RAD51B: variants seen among roughly 807,000 people sequenced by gnomAD.
RAD51B encodes RAD51 paralog B.
In RAD51B, 38 loss-of-function variants were observed where a neutral mutation model predicts 42.2. The ratio of observed to expected loss-of-function variants is 0.90; its 90% CI spans 0.70 to 1.18. The LOEUF (loss-of-function observed/expected upper bound fraction) is 1.18. Ranked by LOEUF, RAD51B falls within the 50% of genes most tolerant of loss-of-function variation. RAD51B has a pLI of 0.00. For synonymous variants in RAD51B, 154 were observed against 145.2 expected, an observed-to-expected ratio of 1.06 and a Z score of -0.43; for missense variants, 373 against 400.7, an observed-to-expected ratio of 0.93 and a Z score of 0.59.
intron 11 of RAD51B, among the ~76,000 whole-genome samples, chr14:68,656,270 C>T (rs895002585): frequency 6.6e-6 from 1 of 152,210 alleles, no homozygotes; most frequent in African/African-American, 2.4e-5. Flanking sequence ...GGGCAGGGTT[C>T]TCTTGAGCCT....
intron 8 of RAD51B, among the ~76,000 whole-genome samples, chr14:68,336,312 T>C (rs377403519): frequency 6.6e-6 from 1 of 152,250 alleles, no homozygotes; most frequent in African/African-American, 2.4e-5. Context: ...TGAGTCTTGG[T>C]TTTACAATAA....
intron 9 of RAD51B, among the ~76,000 whole-genome samples, chr14:68,437,938 G>A (rs1249877066): frequency 6.6e-6 from 1 of 152,150 alleles, no homozygotes; most frequent in Non-Finnish European, 1.5e-5. Flanking sequence ...TGAGGAAGAT[G>A]TTTGAACAAA....
chr14:68,182,932 C>G (rs963984217), intron 7 of RAD51B, among the ~76,000 whole-genome samples: 2 of 152,150 alleles, frequency 1.3e-5, no homozygotes, highest in Non-Finnish European at 2.9e-5. Flanking sequence ...ATTACTGGAC[C>G]TGTATTCCTT....
At chr14:67,986,582 A>G (rs767969909) in intron 7 of RAD51B, among the ~76,000 whole-genome samples, 18 of 152,218 alleles carry the variant, frequency 1.2e-4, no homozygotes, top group Non-Finnish European at 1.9e-4. Context: ...ATGGGTAGTT[A>G]GCACGAAAGA....
chr14:68,018,559 G>A (rs1215771755), intron 7 of RAD51B, among the ~76,000 whole-genome samples: 1 of 152,156 alleles, frequency 6.6e-6, no homozygotes, highest in African/African-American at 2.4e-5. Context: ...TTATGGGGGA[G>A]AAATTGAAGC....
chr14:68,341,444 A>G (rs901885867), intron 8 of RAD51B, among the ~76,000 whole-genome samples: 5 of 152,246 alleles, frequency 3.3e-5, no homozygotes, highest in Non-Finnish European at 7.3e-5. Flanking sequence ...GAAGCAATTT[A>G]TAAGTAATGT....
At chr14:68,567,432 C>T (rs760374828) in intron 10 of RAD51B, among the ~76,000 whole-genome samples, 1 of 152,198 alleles carries the variant, frequency 6.6e-6, no homozygotes, top group Non-Finnish European at 1.5e-5. Context: ...CTCTCAACAT[C>T]CCACACCAGA....
intron 10 of RAD51B, among the ~76,000 whole-genome samples, chr14:68,489,566 C>T (rs1883908581): frequency 6.6e-6 from 1 of 152,158 alleles, no homozygotes; most frequent in African/African-American, 2.4e-5. Flanking sequence ...CTTTTTTACC[C>T]CCTAAAGGCT....
At chr14:68,616,741 T>C (rs1891834733) in intron 10 of RAD51B, among the ~76,000 whole-genome samples, 1 of 152,200 alleles carries the variant, frequency 6.6e-6, no homozygotes, top group Non-Finnish European at 1.5e-5. Flanking sequence ...GCTCAAGGAT[T>C]GATGGGACTT....
chr14:68,290,241 C>G (rs1163597634), intron 7 of RAD51B, among the ~76,000 whole-genome samples: 1 of 152,210 alleles, frequency 6.6e-6, no homozygotes, highest in Non-Finnish European at 1.5e-5. Flanking sequence ...ATATTCCAAG[C>G]ACTGAATTGT....
downstream of RAD51B, among the ~76,000 whole-genome samples, chr14:68,598,112 C>T (rs1395164934): frequency 2.6e-5 from 4 of 152,142 alleles, no homozygotes; most frequent in Non-Finnish European, 5.9e-5. Flanking sequence ...GAGAAAGCTA[C>T]TTCTACATAA....
chr14:68,579,846 C>T (rs138049517), intron 10 of RAD51B, among the ~76,000 whole-genome samples: 58 of 152,322 alleles, frequency 3.8e-4, no homozygotes, highest in Non-Finnish European at 7.6e-4. Flanking sequence ...ATGGGGTTCA[C>T]GGGCATTGTG....
chr14:67,958,461 C>G (rs1382805784), intron 7 of RAD51B, among the ~76,000 whole-genome samples: 1 of 152,130 alleles, frequency 6.6e-6, no homozygotes, highest in African/African-American at 2.4e-5. Context: ...TACAGAGAAG[C>G]CACCCACATT....
At chr14:68,016,043 C>T (rs1379118737) in intron 7 of RAD51B, among the ~76,000 whole-genome samples, 2 of 152,148 alleles carry the variant, frequency 1.3e-5, no homozygotes, top group African/African-American at 4.8e-5. Context: ...TTGTTCCTAT[C>T]TTGTCCATTT....
chr14:68,606,298 G>A (rs1200589146), intron 10 of RAD51B, among the ~76,000 whole-genome samples: 1 of 152,136 alleles, frequency 6.6e-6, no homozygotes, highest in Non-Finnish European at 1.5e-5. Flanking sequence ...TTCTTAGGGT[G>A]GGTTCCCTGG....
At chr14:67,869,528 G>T (rs2042448972) in intron 5 of RAD51B, among the ~76,000 whole-genome samples, 1 of 152,170 alleles carries the variant, frequency 6.6e-6, no homozygotes, top group South Asian at 2.1e-4. Context: ...TATTATCCAG[G>T]AGAACTTCCC....
intron 8 of RAD51B, among the ~76,000 whole-genome samples, chr14:68,387,765 C>A (rs191871068): frequency 6.6e-6 from 1 of 152,274 alleles, no homozygotes; most frequent in Admixed American, 6.5e-5. Flanking sequence ...CTTACACACA[C>A]ACTCTACCAC....
intron 10 of RAD51B, among the ~76,000 whole-genome samples, chr14:68,518,554 G>GCCCCCCCCCCCC (rs11341781): frequency 1.5e-5 from 2 of 137,358 alleles, no homozygotes; most frequent in Non-Finnish European, 3.1e-5. Context: ...GGTCATATGA[G>GCCCCCCCCCCCC]CCCCCCCCCC....
At chr14:68,307,406 A>G (rs1014979440) in intron 8 of RAD51B, among the ~76,000 whole-genome samples, 1 of 152,226 alleles carries the variant, frequency 6.6e-6, no homozygotes, top group African/African-American at 2.4e-5. Flanking sequence ...TATCCGATTC[A>G]CAGCCTTACT....
Sources: gnomAD v4.1 joint callset for allele counts (sites outside exome capture counted in the v4.1 genomes callset) on GRCh38, gnomAD v4.1.1 for gene constraint, MANE v1.5 for transcripts, NCBI Gene and HGNC (gene_info 2026-07-23, HGNC 2026-07-21) for gene names.